Variants in C3orf38 observed in about 807,000 individuals in gnomAD.
The protein encoded by C3orf38 is uncharacterized protein C3orf38.
A neutral mutation model predicts 28.3 loss-of-function variants in C3orf38; 18 were observed. The observed-to-expected ratio is 0.64, with a 90% confidence interval of 0.44 to 0.94. The LOEUF is 0.94. Ranked by LOEUF, C3orf38 falls within the 40% of genes least tolerant of loss-of-function variation. The pLI is 0.00. For missense variants in C3orf38, 364 were observed against 396.4 expected, an observed-to-expected ratio of 0.92 and a Z score of 0.69; for synonymous variants, 145 against 138.1, an observed-to-expected ratio of 1.05 and a Z score of -0.35.
intron 1 of C3orf38, 81 bp downstream of exon 1, chr3:88,150,266 A>C: frequency 6.5e-7 from 1 of 1,528,716 alleles, no homozygotes. Context: ...AATCCTCGGG[A>C]ATGTTGGCCG....
rs1305190795 is a variant in C3orf38, at chr3:88,150,017, C to G, written c.-36C>G. The G allele has an allele frequency of 6.3e-7, 1 of 1,597,064 alleles. No individual in the cohort carries two copies. Among genetic ancestry groups the G allele is most frequent in the Non-Finnish European group, 8.5e-7 (1 of 1,173,692 alleles). ...CGGGCCCAGTGGGCCGTAGGGGCGA[C>G]ATTGTTGCCGTTGTCTTTCCCCCCC... On this transcript the variant is annotated 5_prime_UTR_variant, in exon 1 of 3. Coordinates refer to ENST00000318887, the MANE Select transcript of C3orf38 (RefSeq NM_173824.4).
Position 88,150,228 on chromosome 3 carries a change from C to T in C3orf38, c.133+43C>T, listed in dbSNP as rs757587431. ...ACCTAGAAGGCTGCCGCCCCTTCCC[C>T]GGCCTCACGCCTACCCCGCTTAGGC... On this transcript the variant is annotated intron_variant, in intron 1 of 2. Coordinates refer to ENST00000318887, the MANE Select transcript of C3orf38 (RefSeq NM_173824.4). 3.1e-6 allele frequency: 5 copies of T among 1,607,610 alleles called. No homozygotes were observed. In the Admixed American group the frequency reaches 5.0e-5, roughly 16 times the overall value.
chr3:88,155,241 C>T (rs1178068425), intron 2 of C3orf38, among the ~76,000 whole-genome samples: 1 of 151,930 alleles, frequency 6.6e-6, no homozygotes, highest in Non-Finnish European at 1.5e-5. Context: ...TTTCAATCAC[C>T]GTAAGAGTAT....
chr3:88,149,977 G>A lies in C3orf38; in HGVS notation c.-76G>A. 6.3e-7 allele frequency: 1 copy of A among 1,585,302 alleles called. No individual in the cohort carries two copies. The highest frequency in any genetic ancestry group is 8.6e-7 in the Non-Finnish European group (1 of 1,156,748). On this transcript the variant is annotated 5_prime_UTR_variant, in exon 1 of 3. Transcript: ENST00000318887. Reference sequence around the variant, plus strand: ...GAACAACAAGAAAGGCACTTCCGGTGTCTGTTGCCAGGCGCGGGCCCAGTG... The same window carrying A: ...GAACAACAAGAAAGGCACTTCCGGTATCTGTTGCCAGGCGCGGGCCCAGTG...
chr3:88,154,720 ACCAGTGCCACGCACAGTGC>A (rs1255439603), intron 2 of C3orf38, among the ~76,000 whole-genome samples: 2 of 152,230 alleles, frequency 1.3e-5, no homozygotes, highest in Non-Finnish European at 2.9e-5. Context: ...TAGGCAAATA[ACCAGTGCCACGCACAGTGC>A]CCAGTGTATT....
intron 2 of C3orf38, among the ~76,000 whole-genome samples, chr3:88,154,658 C>T (rs1254926575): frequency 6.6e-6 from 1 of 152,146 alleles, no homozygotes; most frequent in African/African-American, 2.4e-5. Context: ...ACTTTGAAAT[C>T]ATACAAATAC....
chr3:88,156,876 T>G lies in C3orf38; in HGVS notation c.*241T>G. The stretch of plus-strand genomic sequence containing the variant: ...CTATTTCTACCCGAGTTGCAGCAAG[T>G]ATTCTGAAAGCTTAATGCAAATAAA... On this transcript the variant is annotated 3_prime_UTR_variant, in exon 3 of 3. Transcript: ENST00000318887. 1 of 430,586 alleles carries G rather than the reference T, an allele frequency of 2.3e-6. No homozygotes were observed. The highest frequency in any genetic ancestry group is 3.8e-5 in the East Asian group (1 of 26,348). 26.7% of individuals were successfully genotyped at this position (430,586 alleles called of 1,614,324 possible).
intron 1 of C3orf38, among the ~76,000 whole-genome samples, chr3:88,152,093 G>A (rs1707421470): frequency 6.6e-6 from 1 of 152,170 alleles, no homozygotes; most frequent in Non-Finnish European, 1.5e-5. Flanking sequence ...ACTCACACAT[G>A]TCAGAAATAT....
At chr3:88,155,699 C>T (rs549258855) in intron 2 of C3orf38, among the ~76,000 whole-genome samples, 28 of 152,048 alleles carry the variant, frequency 1.8e-4, no homozygotes, top group African/African-American at 5.5e-4. Context: ...CCTCACCATC[C>T]GCCTGCCTCC....
intron 1 of C3orf38, among the ~76,000 whole-genome samples, chr3:88,152,245 G>A (rs1048988485): frequency 1.3e-5 from 2 of 151,534 alleles, no homozygotes; most frequent in African/African-American, 2.4e-5. Context: ...GTGAAACCCC[G>A]TCTCTACTAA....
chr3:88,151,866 C>CTAAA (rs750500103), intron 1 of C3orf38, among the ~76,000 whole-genome samples: 3 of 151,914 alleles, frequency 2.0e-5, no homozygotes, highest in African/African-American at 7.3e-5. Flanking sequence ...ACATACCAAA[C>CTAAA]TAAATATAGT....
intron 2 of C3orf38, 122 bp downstream of exon 2, chr3:88,153,593 A>G: frequency 8.2e-7 from 1 of 1,216,778 alleles, no homozygotes; most frequent in Non-Finnish European, 1.1e-6. Flanking sequence ...TTATTTTTTA[A>G]GAGATTCTTG....
At chr3:88,153,774 T>C (rs1410813391) in intron 2 of C3orf38, among the ~76,000 whole-genome samples, 1 of 152,070 alleles carries the variant, frequency 6.6e-6, no homozygotes, top group Non-Finnish European at 1.5e-5. Flanking sequence ...GGGTCCCAAC[T>C]ATGTTGCCCA....
At chr3:88,153,530 A>T (rs982087742) in intron 2 of C3orf38, 59 bp downstream of exon 2, 8 of 1,562,798 alleles carry the variant, frequency 5.1e-6, no homozygotes, top group Non-Finnish European at 7.0e-6. Flanking sequence ...CTTTGTTGAT[A>T]ATCCTAGATT....
Position 88,156,037 on chromosome 3 carries a change from A to G in C3orf38, c.392A>G (p.Lys131Arg). The G allele has an allele frequency of 6.5e-7, 1 of 1,540,778 alleles. No homozygotes were observed. Among genetic ancestry groups the G allele is most frequent in the Non-Finnish European group, 8.7e-7 (1 of 1,147,084 alleles). The change falls in exon 3 of 3, where the codon AAA becomes AGA. Residue 131 changes from lysine to arginine, a missense_variant. By Grantham distance (26) the Lys-to-Arg change is conservative (BLOSUM62 2). Coordinates refer to ENST00000318887, the MANE Select transcript of C3orf38 (RefSeq NM_173824.4). ...TTCAATCAGCAGGTGAAAGAAGATA[A>G]AAAAGCTGAAAAAGTTGATTTTCGT... is the stretch of plus-strand genomic sequence containing the variant. ...HLFQQQVKED[K>R]KAEKVDFRRL...
In C3orf38 at chr3:88,153,225, T is replaced by C. The variant is rs1193389291; in HGVS notation, c.134-5T>C. 1.4e-5 allele frequency: 23 copies of C among 1,598,318 alleles called. No homozygotes were observed. The highest frequency in any genetic ancestry group is 1.9e-5 in the Non-Finnish European group (22 of 1,174,568). The stretch of plus-strand genomic sequence containing the variant: ...TTTTTATTAATCTTTGCAATTTCTT[T>C]CTAGATGCTGTTCATGCAATATTAG... On this transcript the variant is annotated splice_polypyrimidine_tract_variant and splice_region_variant and intron_variant, in intron 1 of 2. Transcript: ENST00000318887.
chr3:88,155,931 T>G, intron 2 of C3orf38, 90 bp from the exon 3 acceptor site: 2 of 995,712 alleles, frequency 2.0e-6, no homozygotes, highest in Non-Finnish European at 2.9e-6. Context: ...GTGTAATGGG[T>G]TCATTCAAAC....
At chr3:88,151,833 T>C (rs899926045) in intron 1 of C3orf38, among the ~76,000 whole-genome samples, 2 of 152,114 alleles carry the variant, frequency 1.3e-5, no homozygotes, top group Non-Finnish European at 2.9e-5. Flanking sequence ...TATGGATGGA[T>C]TGAATTTATA....
Position 88,154,283 on chromosome 3 carries a change from A to G in C3orf38, c.375+812A>G, listed in dbSNP as rs184657766. Among the ~76,000 whole-genome samples, 126 of 152,226 alleles carry G rather than the reference A, an allele frequency of 8.3e-4. 1 individual carries two copies. Among genetic ancestry groups the G allele is most frequent in the African/African-American group, 2.8e-3 (116 of 41,546 alleles). ...TGTGCCATGGTGGTTTGCTGCGCCT[A>G]TCAACCTATCACCTAGGTATGAAGC... On this transcript the variant is annotated intron_variant, in intron 2 of 2. Coordinates refer to ENST00000318887, the MANE Select transcript of C3orf38 (RefSeq NM_173824.4).
Sources: allele counts gnomAD v4.1 joint callset (sites outside exome capture counted in the v4.1 genomes callset), GRCh38; gene constraint gnomAD v4.1.1; transcripts MANE v1.5; gene names NCBI Gene and HGNC (gene_info 2026-07-23, HGNC 2026-07-21).